The following EXOC4 variants were observed in gnomAD, a reference collection of about 807,000 sequenced individuals.
The protein encoded by EXOC4 is SEC8-like 1.
A neutral mutation model predicts 107.2 loss-of-function variants in EXOC4; 71 were observed. That is an observed-to-expected ratio of 0.66 (90% CI 0.55 to 0.81). The LOEUF (loss-of-function observed/expected upper bound fraction) is 0.81, where lower values mean the gene tolerates loss of function less well. Among genes scored for constraint, EXOC4 ranks in the 30% least tolerant of loss-of-function variants. The pLI is 0.00. For synonymous variants in EXOC4, 456 were observed against 441.2 expected (o/e 1.03, Z -0.42); for missense variants, 1,108 against 1,189.6 (o/e 0.93, Z 1.01).
intron 10 of EXOC4, among the ~76,000 whole-genome samples, chr7:133,751,260 T>C: frequency 6.6e-6 from 1 of 152,218 alleles, no homozygotes; most frequent in East Asian, 1.9e-4. Flanking sequence ...TCCCAAATGT[T>C]ACAATTAAAT....
chr7:133,631,612 TC>T lies in EXOC4; in HGVS notation c.1514+1472del, dbSNP rs1244949743. ...TAGCAGAGATTTGTAGCAGGTAAAT[TC>T]ATTTAGGAACCATGGGATTAAGAAA... On this transcript the variant is annotated intron_variant, in intron 10 of 17. Transcript: ENST00000253861. 6.6e-5 allele frequency among the ~76,000 whole-genome samples: 10 copies of T among 152,082 alleles called. No individual in the cohort carries two copies. In the East Asian group the frequency reaches 1.9e-3, roughly 29 times the overall value.
chr7:133,418,217 G>A (rs1797523274), intron 7 of EXOC4, among the ~76,000 whole-genome samples: 3 of 152,220 alleles, frequency 2.0e-5, no homozygotes, highest in South Asian at 2.1e-4. Flanking sequence ...TCCCAGACTC[G>A]ACACTTTTTT....
chr7:133,581,085 G>C (rs904087536), intron 9 of EXOC4, among the ~76,000 whole-genome samples: 4 of 152,190 alleles, frequency 2.6e-5, no homozygotes, highest in Non-Finnish European at 1.5e-5. Context: ...CACTGGGCCT[G>C]TGAAGACTGG....
chr7:133,579,257 A>G (rs1178192728), intron 9 of EXOC4, among the ~76,000 whole-genome samples: 1 of 152,174 alleles, frequency 6.6e-6, no homozygotes, highest in Non-Finnish European at 1.5e-5. Flanking sequence ...AGTGTATAAT[A>G]TATTGGCATT....
chr7:133,597,189 A>G (rs1005534318), intron 9 of EXOC4, among the ~76,000 whole-genome samples: 3 of 152,174 alleles, frequency 2.0e-5, no homozygotes, highest in Non-Finnish European at 4.4e-5. Flanking sequence ...CGGCCTCTAC[A>G]AGATGGACCT....
chr7:133,328,600 T>C (rs925872011), intron 5 of EXOC4, among the ~76,000 whole-genome samples: 17 of 152,178 alleles, frequency 1.1e-4, no homozygotes, highest in African/African-American at 4.1e-4. Context: ...CTCTGGACTT[T>C]TGTAAGGCAG....
intron 9 of EXOC4, among the ~76,000 whole-genome samples, chr7:133,547,116 G>A (rs1337580464): frequency 6.6e-6 from 1 of 152,046 alleles, no homozygotes; most frequent in Non-Finnish European, 1.5e-5. Context: ...TATGTTGGAG[G>A]TATTCCAGGT....
intron 12 of EXOC4, among the ~76,000 whole-genome samples, chr7:133,906,696 G>T (rs535864288): frequency 6.6e-6 from 1 of 152,238 alleles, no homozygotes; most frequent in Non-Finnish European, 1.5e-5. Flanking sequence ...GTCCACTACC[G>T]CTGTTTGCTG....
At chr7:133,641,468 A>G (rs1220659362) in intron 10 of EXOC4, among the ~76,000 whole-genome samples, 1 of 152,214 alleles carries the variant, frequency 6.6e-6, no homozygotes, top group Non-Finnish European at 1.5e-5. Flanking sequence ...ATATACGTAC[A>G]TACAAACACA....
chr7:133,475,084 C>A (rs908849223), intron 7 of EXOC4, among the ~76,000 whole-genome samples: 1 of 152,076 alleles, frequency 6.6e-6, no homozygotes, highest in African/African-American at 2.4e-5. Context: ...CCAATAAAAA[C>A]GTTCCTTTTA....
At chr7:134,026,511 C>CA (rs11388470) in intron 17 of EXOC4, among the ~76,000 whole-genome samples, 149,394 of 149,396 alleles carry the variant, frequency 1, 74,696 homozygotes, top group Non-Finnish European at 1. Context: ...GTTTGGTTAC[C>CA]AAAGAAGAGG....
chr7:133,368,573 T>C (rs1449066950), intron 6 of EXOC4, among the ~76,000 whole-genome samples: 1 of 152,214 alleles, frequency 6.6e-6, no homozygotes, highest in Non-Finnish European at 1.5e-5. Context: ...TATGTAGCTC[T>C]CACAGTCAAT....
intron 7 of EXOC4, among the ~76,000 whole-genome samples, chr7:133,437,880 C>G (rs573080086): frequency 6.6e-6 from 1 of 152,128 alleles, no homozygotes; most frequent in African/African-American, 2.4e-5. Context: ...AGAATTAGTT[C>G]AGTTTCTTAG....
At chr7:133,824,780 A>G (rs970927708) in intron 11 of EXOC4, among the ~76,000 whole-genome samples, 3 of 152,048 alleles carry the variant, frequency 2.0e-5, no homozygotes, top group African/African-American at 7.2e-5. Flanking sequence ...CTCTATCGTA[A>G]CGTGGCGTTC....
intron 14 of EXOC4, among the ~76,000 whole-genome samples, chr7:133,975,025 C>CTTT (rs3049805): frequency 1.5e-4 from 22 of 150,182 alleles, no homozygotes; most frequent in South Asian, 4.2e-4. Context: ...ATTCCTATAC[C>CTTT]TTTTTTTTTT....
In EXOC4 at chr7:133,990,897, C is replaced by CAGAT. The variant is rs1384044770; in HGVS notation, c.2207-6594_2207-6591dup. On this transcript the variant is annotated intron_variant, in intron 14 of 17. Transcript: ENST00000253861. ...TAGTGCTGCAACAAACATGGGAGTG[C>CAGAT]AGATGTCTCTTTGATATACTGATTT... is the stretch of plus-strand genomic sequence containing the variant. Among the ~76,000 whole-genome samples, 6 of 152,126 alleles carry CAGAT rather than the reference C, an allele frequency of 3.9e-5. No homozygotes were observed. The East Asian group carries it at 1.2e-3, about 29-fold the overall frequency.
chr7:133,851,100 C>CT (rs1186153296), intron 11 of EXOC4, among the ~76,000 whole-genome samples: 1 of 152,124 alleles, frequency 6.6e-6, no homozygotes, highest in Non-Finnish European at 1.5e-5. Context: ...ACATGTTTAA[C>CT]TTTTTATTCA....
intron 10 of EXOC4, among the ~76,000 whole-genome samples, chr7:133,796,828 G>C (rs1268785316): frequency 6.6e-6 from 1 of 152,146 alleles, no homozygotes; most frequent in Admixed American, 6.5e-5. Context: ...TTCATCGAAG[G>C]CTCCTTCCCC....
rs201098142 is a variant in EXOC4 at position 133,312,834 on chromosome 7, A to AT, written c.657-4440dup. ...TATACCAAAATGATGTGAATGGATT[A>AT]TTTTTTTTTTAAGTATTTTCAAGAA... On this transcript the variant is annotated intron_variant, in intron 4 of 17. Coordinates refer to ENST00000253861, the MANE Select transcript of EXOC4 (RefSeq NM_021807.4). 4.1e-4 allele frequency among the ~76,000 whole-genome samples: 62 copies of AT among 149,412 alleles called. 2 individuals carry two copies. The South Asian group carries it at 5.3e-3, about 13-fold the overall frequency.
Sources: gnomAD v4.1 joint callset for allele counts (sites outside exome capture counted in the v4.1 genomes callset) on GRCh38, gnomAD v4.1.1 for gene constraint, MANE v1.5 for transcripts, NCBI Gene and HGNC (gene_info 2026-07-23, HGNC 2026-07-21) for gene names.